Variants in PTGFRN observed in about 807,000 individuals in gnomAD.
PTGFRN encodes prostaglandin F2 receptor negative regulator.
In PTGFRN, 35 loss-of-function variants were observed where a neutral mutation model predicts 83.2. The observed-to-expected ratio is 0.42, with a 90% CI of 0.32 to 0.56. PTGFRN has a LOEUF of 0.56. Ranked by LOEUF, PTGFRN falls within the 20% of genes least tolerant of loss-of-function variation. PTGFRN has a pLI of 0.11. For missense variants in PTGFRN, 1,051 were observed against 1,179.5 expected (o/e 0.89, Z 1.60); for synonymous variants, 519 against 498.6 (o/e 1.04, Z -0.55).
intron 1 of PTGFRN, among the ~76,000 whole-genome samples, chr1:116,931,903 T>G (rs1305935763): frequency 1.3e-5 from 2 of 152,194 alleles, no homozygotes; most frequent in Non-Finnish European, 2.9e-5. Context: ...AGGCACCCAT[T>G]TACAAGGCAT....
In PTGFRN at chr1:116,910,039, C is replaced by G; in HGVS notation, c.-165C>G. The G allele has an allele frequency of 3.9e-6, 3 of 776,046 alleles. No individual in the cohort carries two copies. Among genetic ancestry groups the G allele is most frequent in the South Asian group, 1.5e-5 (1 of 67,270 alleles). The allele number at this position is 776,046 out of a possible 1,614,324, so 48.1% of individuals were successfully genotyped here. Reference sequence around the variant, plus strand: ...GGGAGCGAGCGGAGCCAGGGGCGCACGTACGCCCCAGCGCTGGGATTTATC... The same window carrying G: ...GGGAGCGAGCGGAGCCAGGGGCGCAGGTACGCCCCAGCGCTGGGATTTATC... On this transcript the variant is annotated 5_prime_UTR_variant, in exon 1 of 9. Transcript: ENST00000393203.
intron 7 of PTGFRN, among the ~76,000 whole-genome samples, chr1:116,977,812 C>G (rs1022650194): frequency 9.2e-5 from 14 of 152,088 alleles, no homozygotes; most frequent in Non-Finnish European, 1.8e-4. Flanking sequence ...ATTAAAAGAA[C>G]TAGGGAAGCA....
intron 7 of PTGFRN, chr1:116,974,616 G>A (rs1167622044): frequency 5.9e-6 from 2 of 339,438 alleles, no homozygotes; most frequent in African/African-American, 4.2e-5. Flanking sequence ...CACTGGCAGA[G>A]TCTAGCTCCT....
At chr1:116,925,426 CAAAAAAAAGAA>C (rs1649635504) in intron 1 of PTGFRN, among the ~76,000 whole-genome samples, 1 of 136,336 alleles carries the variant, frequency 7.3e-6, no homozygotes, top group East Asian at 2.0e-4. Flanking sequence ...GACTCCCTCT[CAAAAAAAAGAA>C]AAAAAAAAGA....
chr1:116,926,308 T>C (rs1026329992), intron 1 of PTGFRN, among the ~76,000 whole-genome samples: 4 of 152,232 alleles, frequency 2.6e-5, no homozygotes, highest in Non-Finnish European at 5.9e-5. Context: ...CACACAGAAC[T>C]TGGCAGATGA....
At position 116,923,886 on chromosome 1, in the gene PTGFRN, CAT is replaced by C. The variant is rs1351274272; in HGVS notation, c.49+13636_49+13637del. On this transcript the variant is annotated intron_variant, in intron 1 of 8. Transcript: ENST00000393203. The surrounding 1 kb of genome is among the most constrained non-coding windows in gnomAD (Gnocchi z 4.0). ...TTCTGGATCTGGGGGCACCTAAAAA[CAT>C]AGATCGACACAGTCCTTTGACTCCT... 5.9e-5 allele frequency among the ~76,000 whole-genome samples: 9 copies of C among 152,112 alleles called. No individual in the cohort carries two copies. Among genetic ancestry groups the C allele is most frequent in the African/African-American group, 2.2e-4 (9 of 41,410 alleles).
Position 116,926,524 on chromosome 1 carries a change from AATC to A in PTGFRN, c.50-15186_50-15184del, listed in dbSNP as rs1351728359. On this transcript the variant is annotated intron_variant, in intron 1 of 8. Coordinates refer to ENST00000393203, the MANE Select transcript of PTGFRN (RefSeq NM_020440.4). The stretch of plus-strand genomic sequence containing the variant: ...TCATGTTTATTGAGTTATTTTGGTT[AATC>A]ATCAGTACAGATTGCCTCTAAGTGG... Among the ~76,000 whole-genome samples, 4 of 152,316 alleles carry A rather than the reference AATC, an allele frequency of 2.6e-5. No homozygotes were observed. In the East Asian group the frequency reaches 7.7e-4, roughly 29 times the overall value.
rs1649585543 is a variant in PTGFRN, at chr1:116,923,424, A to G, written c.49+13172A>G. Among the ~76,000 whole-genome samples, 2 of 152,156 alleles carry G rather than the reference A, an allele frequency of 1.3e-5. No homozygotes were observed. On this transcript the variant is annotated intron_variant, in intron 1 of 8. Coordinates refer to ENST00000393203, the MANE Select transcript of PTGFRN (RefSeq NM_020440.4). This position sits in a 1 kb window ranked among gnomAD's most constrained non-coding sequence, Gnocchi z 4.0. ...GAGTAGGAAAAAATGAAATCTATAC[A>G]TGTTAAAGAAGGGGTGAGAAAAGTC...
chr1:116,933,825 G>T (rs2101058786), intron 1 of PTGFRN, among the ~76,000 whole-genome samples: 1 of 152,202 alleles, frequency 6.6e-6, no homozygotes, highest in African/African-American at 2.4e-5. Flanking sequence ...TCCTTTCTCT[G>T]CCTTTCAGTA....
At position 116,944,863 on chromosome 1, in the gene PTGFRN, C is replaced by T. The variant is rs755883269; in HGVS notation, c.603C>T (p.His201=). 6.2e-7 allele frequency: 1 copy of T among 1,604,536 alleles called. No individual in the cohort carries two copies. Among genetic ancestry groups the T allele is most frequent in the South Asian group, 1.1e-5 (1 of 90,254 alleles). The change falls in exon 3 of 9, where the codon CAC becomes CAT. Residue 201 remains histidine, a synonymous_variant. Coordinates refer to ENST00000393203, the MANE Select transcript of PTGFRN (RefSeq NM_020440.4). ...PARRSVLALT[H]EGRFHPGLGY... ...GGCGGAGCGTCCTCGCCCTGACCCACGAGGGCAGGTTCCACCCGGGCCTGG... is the reference window on the plus strand; with the variant it reads ...GGCGGAGCGTCCTCGCCCTGACCCATGAGGGCAGGTTCCACCCGGGCCTGG...
rs143746064 is a variant in PTGFRN at position 116,949,277 on chromosome 1, C to T, written c.918C>T (p.Ala306=). ...CCTGTAACATCACAACAGACCGAGC[C>T]GATGACGTCCGGCCCGAGGTGACGT... ...DLTCNITTDR[A]DDVRPEVTWS... is the part of the protein sequence containing the mutation. The change falls in exon 4 of 9, where the codon GCC becomes GCT. Residue 306 remains alanine, a synonymous_variant. Transcript: ENST00000393203. 7.6e-5 allele frequency: 123 copies of T among 1,614,212 alleles called. No individual in the cohort carries two copies. The African/African-American group carries it at 9.6e-4, about 13-fold the overall frequency.
intron 6 of PTGFRN, among the ~76,000 whole-genome samples, chr1:116,973,808 C>T (rs775868283): frequency 5.3e-5 from 8 of 152,064 alleles, no homozygotes; most frequent in Non-Finnish European, 1.2e-4. Context: ...CCACTCACTC[C>T]ACTGGAACCA....
intron 1 of PTGFRN, among the ~76,000 whole-genome samples, chr1:116,929,580 G>C (rs1022738632): frequency 6.6e-6 from 1 of 152,092 alleles, no homozygotes; most frequent in Non-Finnish European, 1.5e-5. Context: ...TCTGTGTCTG[G>C]AGCAGTTTTG....
chr1:116,961,410 A>G lies in PTGFRN; in HGVS notation c.1381A>G (p.Ser461Gly). Reference sequence around the variant, plus strand: ...CCGGCGCAGCGACAATGTGGTGACCAGCGAGCTGCTTGCAGTCATGGACGG... The same window carrying G: ...CCGGCGCAGCGACAATGTGGTGACCGGCGAGCTGCTTGCAGTCATGGACGG... The part of the protein sequence containing the change: ...MNRRSDNVVT[S>G]ELLAVMDGDW... Residue 461 changes from serine to glycine, a missense_variant, in exon 5 of 9, where the codon AGC (serine) becomes GGC (glycine). Physicochemically the swap from Ser to Gly is moderately conservative, Grantham distance 56. Coordinates refer to ENST00000393203, the MANE Select transcript of PTGFRN (RefSeq NM_020440.4). This position sits in a 1 kb window ranked among gnomAD's most constrained non-coding sequence, Gnocchi z 5.4. 6.2e-7 allele frequency: 1 copy of G among 1,614,032 alleles called. No homozygotes were observed. Among genetic ancestry groups the G allele is most frequent in the Non-Finnish European group, 8.5e-7 (1 of 1,179,912 alleles).
At chr1:116,967,601 C>T (rs1327147568) in intron 6 of PTGFRN, among the ~76,000 whole-genome samples, 1 of 152,200 alleles carries the variant, frequency 6.6e-6, no homozygotes, top group Non-Finnish European at 1.5e-5. Context: ...TCCCCACCTC[C>T]CATTCTGCAG....
At chr1:116,949,170 G>A in intron 3 of PTGFRN, 22 bp from the exon 4 acceptor site, 1 of 1,553,746 alleles carries the variant, frequency 6.4e-7, no homozygotes, top group Non-Finnish European at 8.7e-7. Flanking sequence ...TTACCTAGAT[G>A]TATTTGTTTT....
rs148843026 is a variant in PTGFRN at position 116,931,847 on chromosome 1, C to T, written c.50-9868C>T. On this transcript the variant is annotated intron_variant, in intron 1 of 8. Transcript: ENST00000393203. ...AACTCCATGTGGCAATCCATAGGCC[C>T]CGAGTCTCTCCTAAAAGCCTTGTAA... is the stretch of plus-strand genomic sequence containing the variant. Among the ~76,000 whole-genome samples, 3 of 152,218 alleles carry T rather than the reference C, an allele frequency of 2.0e-5. No individual in the cohort carries two copies. In the East Asian group the frequency reaches 5.8e-4, roughly 29 times the overall value.
intron 1 of PTGFRN, among the ~76,000 whole-genome samples, chr1:116,913,504 G>C (rs1649324317): frequency 6.6e-6 from 1 of 152,134 alleles, no homozygotes; most frequent in South Asian, 2.1e-4. Flanking sequence ...TTTGCATGCT[G>C]TGCTAAGGAG....
intron 4 of PTGFRN, 87 bp downstream of exon 4, chr1:116,949,659 G>T: frequency 1.3e-6 from 2 of 1,499,034 alleles, no homozygotes; most frequent in Non-Finnish European, 1.8e-6. Flanking sequence ...GAGGCTCTGC[G>T]CTTTGCATGA....
Sources: allele counts gnomAD v4.1 joint callset (sites outside exome capture counted in the v4.1 genomes callset), GRCh38; gene constraint gnomAD v4.1.1; non-coding constraint Gnocchi (gnomAD v3.1); transcripts MANE v1.5; gene names NCBI Gene and HGNC (gene_info 2026-07-23, HGNC 2026-07-21).